SIN3A: variants seen among roughly 807,000 people sequenced by gnomAD.
SIN3A encodes SIN3 transcription regulator family member A, also known as paired amphipathic helix protein Sin3a.
SIN3A carries 14 observed loss-of-function variants against 146.1 expected under a neutral mutation model. That is an observed-to-expected ratio of 0.10 (90% CI 0.06 to 0.15). The LOEUF (loss-of-function observed/expected upper bound fraction) is 0.15, where lower values mean the gene tolerates loss of function less well. Ranked by LOEUF, SIN3A falls within the 10% of genes least tolerant of loss-of-function variation. The pLI is 1.00. For missense variants in SIN3A, 1,028 were observed against 1,576.0 expected (o/e 0.65, Z 5.89); for synonymous variants, 572 against 572.0 (o/e 1.00, Z 0.00).
At chr15:75,455,723 G>T (rs915562119), upstream of SIN3A, 3 of 152,214 alleles carry the variant, frequency 2.0e-5, no homozygotes, top group African/African-American at 7.2e-5. Flanking sequence ...CCGAGCGGCC[G>T]GCGGACTAGC....
chr15:75,441,034 G>A lies in SIN3A; in HGVS notation c.-34+10389C>T, dbSNP rs150728342. On this transcript the variant is annotated intron_variant, in intron 1 of 20. Transcript: ENST00000394947. ...GAAAAAGAAACAGGGTTGGCCAGGT[G>A]CAGTGGCTCACGCCTGTAATCTCAG... Among the ~76,000 whole-genome samples the A allele has an allele frequency of 7.9e-3, 1,197 of 151,432 alleles. 11 individuals carry two copies. Among genetic ancestry groups the A allele is most frequent in the South Asian group, 0.025 (121 of 4,790 alleles).
rs377186357 is a variant in SIN3A, at chr15:75,409,628, G to A, written c.1317+208C>T. ...TGTAGTCCCAGCTACTCGGGAGGGC[G>A]AGACAGGAGAATCGCTTGAACCCGG... is the stretch of plus-strand genomic sequence containing the variant. On this transcript the variant is annotated intron_variant, in intron 8 of 20. Coordinates refer to ENST00000394947, the MANE Select transcript of SIN3A (RefSeq NM_001145358.2). 9.3e-4 allele frequency among the ~76,000 whole-genome samples: 141 copies of A among 151,858 alleles called. No homozygotes were observed. In the East Asian group the frequency reaches 0.022, roughly 23 times the overall value.
chr15:75,455,252 G>C, upstream of SIN3A, among the ~76,000 whole-genome samples: 1 of 152,078 alleles, frequency 6.6e-6, no homozygotes, highest in East Asian at 1.9e-4. Context: ...GCTAACTCCA[G>C]CTCTCGAGCA....
At chr15:75,414,343 A>G (rs371998736) in intron 3 of SIN3A, 32 bp from the exon 4 acceptor site, 334 of 1,232,952 alleles carry the variant, frequency 2.7e-4, no homozygotes, top group Non-Finnish European at 3.5e-4. Context: ...AGGTTATAAA[A>G]AGAAAGTAAG....
intron 2 of SIN3A, among the ~76,000 whole-genome samples, chr15:75,427,307 A>G (rs1386876375): frequency 6.6e-6 from 1 of 152,160 alleles, no homozygotes; most frequent in African/African-American, 2.4e-5. Context: ...TGGAAGCCAG[A>G]GGTTGCAGTG....
In SIN3A at chr15:75,411,639, T is replaced by C. The variant is rs561798279; in HGVS notation, c.861A>G (p.Thr287=). The change falls in exon 6 of 21, where the codon ACA becomes ACG. Residue 287 remains threonine (T), a synonymous_variant. Transcript: ENST00000394947. ...AGGATGGGGCCGTTCCCAACGAGATTGTCACTGGTGTGTGAGGCTGGACCG... is the reference window on the plus strand; with the variant it reads ...AGGATGGGGCCGTTCCCAACGAGATCGTCACTGGTGTGTGAGGCTGGACCG... ...SPPVQPHTPV[T]ISLGTAPSLQ... is the part of the protein sequence containing the mutation. 1.2e-5 allele frequency: 20 copies of C among 1,614,166 alleles called. No homozygotes were observed. In the Admixed American group the frequency reaches 3.2e-4, roughly 26 times the overall value.
chr15:75,372,497 C>T (rs977492677), intron 20 of SIN3A, among the ~76,000 whole-genome samples: 8 of 152,026 alleles, frequency 5.3e-5, no homozygotes, highest in African/African-American at 1.4e-4. Context: ...TTTTAGCATG[C>T]GTTAGTATAA....
At chr15:75,392,190 T>C in intron 15 of SIN3A, 52 bp downstream of exon 15, 1 of 1,537,212 alleles carries the variant, frequency 6.5e-7, no homozygotes, top group Non-Finnish European at 8.9e-7. Flanking sequence ...TAGGTGGCTC[T>C]AAGGTCCTCA....
At chr15:75,372,399 CAT>C (rs975473781) in intron 20 of SIN3A, among the ~76,000 whole-genome samples, 190 bp from the exon 21 acceptor site, 1 of 151,708 alleles carries the variant, frequency 6.6e-6, no homozygotes, top group Admixed American at 6.6e-5. Flanking sequence ...GAGGTAAGAA[CAT>C]AGAACATGTG....
intron 7 of SIN3A, 24 bp from the exon 8 acceptor site, chr15:75,410,015 T>C: frequency 6.2e-7 from 1 of 1,612,660 alleles, no homozygotes; most frequent in East Asian, 2.2e-5. Context: ...ATGAATGAGA[T>C]TAATGCTCTT....
At chr15:75,374,458 C>G (rs956896740) in intron 20 of SIN3A, among the ~76,000 whole-genome samples, 7 of 152,216 alleles carry the variant, frequency 4.6e-5, no homozygotes, top group African/African-American at 1.4e-4. Context: ...GGGTGGCCCC[C>G]ACATCTCATT....
intron 1 of SIN3A, among the ~76,000 whole-genome samples, chr15:75,440,509 G>GCA (rs2074188689): frequency 3.3e-5 from 5 of 152,088 alleles, no homozygotes; most frequent in Non-Finnish European, 7.4e-5. Context: ...TGGGATTACA[G>GCA]GTGTGAGCCA....
chr15:75,413,161 G>A, intron 4 of SIN3A, 116 bp from the exon 5 acceptor site: 2 of 957,450 alleles, frequency 2.1e-6, no homozygotes, highest in Middle Eastern at 3.3e-4. Flanking sequence ...TGCCCAGGCT[G>A]GACTGCAATG....
chr15:75,392,939 T>G, intron 14 of SIN3A, 124 bp from the exon 15 acceptor site: 4 of 760,168 alleles, frequency 5.3e-6, no homozygotes, highest in Non-Finnish European at 8.3e-6. Flanking sequence ...ATCAAAAACT[T>G]AGGACCTGGG....
intron 19 of SIN3A, 87 bp downstream of exon 19, chr15:75,380,542 G>A (rs2141382638): frequency 1.0e-6 from 1 of 992,636 alleles, no homozygotes; most frequent in East Asian, 2.4e-5. Context: ...TAAAATATGT[G>A]AAGGCCAAGA....
rs537899729 is a variant in SIN3A, at chr15:75,375,802, T to C, written c.3454A>G (p.Ser1152Gly). 2 of 1,614,226 alleles carry C rather than the reference T, an allele frequency of 1.2e-6. No homozygotes were observed. Among genetic ancestry groups the C allele is most frequent in the East Asian group, 4.5e-5 (2 of 44,892 alleles). ...TCCACATTCTCCATGGTCTTCTTGC[T>C]GTTTCCTTCCTTCCCTTCCTTTTCC... ...QQEKEGKEGN[S>G]KKTMENVDSL... is the part of the protein sequence containing the mutation. The change falls in exon 20 of 21, where the codon AGC becomes GGC. Residue 1152 changes from serine to glycine, a missense_variant. Ser to Gly is a moderately conservative substitution (Grantham distance 56). Around this residue, in one of 9 missense-constraint regions of SIN3A, gnomAD observed 488 missense variants for 690.2 expected, o/e 0.71. Coordinates refer to ENST00000394947, the MANE Select transcript of SIN3A (RefSeq NM_001145358.2).
intron 1 of SIN3A, among the ~76,000 whole-genome samples, chr15:75,447,468 G>A (rs1237545605): frequency 6.6e-6 from 1 of 152,136 alleles, no homozygotes; most frequent in Non-Finnish European, 1.5e-5. Flanking sequence ...TAGAGGGAGA[G>A]ATCCCCGTTA....
At chr15:75,404,874 G>C (rs934660719) in intron 9 of SIN3A, among the ~76,000 whole-genome samples, 1 of 152,180 alleles carries the variant, frequency 6.6e-6, no homozygotes, top group Non-Finnish European at 1.5e-5. Flanking sequence ...GCTCACACCT[G>C]TAATCTCAAC....
At chr15:75,442,355 T>C (rs906171998) in intron 1 of SIN3A, among the ~76,000 whole-genome samples, 6 of 149,388 alleles carry the variant, frequency 4.0e-5, no homozygotes, top group African/African-American at 1.5e-4. Context: ...TTCTTAAAAA[T>C]AGAAATGGGG....
Sources: allele counts gnomAD v4.1 joint callset (sites outside exome capture counted in the v4.1 genomes callset), GRCh38; gene constraint gnomAD v4.1.1; regional missense constraint gnomAD v4.1.1; transcripts MANE v1.5; gene names NCBI Gene and HGNC (gene_info 2026-07-23, HGNC 2026-07-21).